Variants in MRPL30 observed in about 807,000 individuals in gnomAD.
The protein encoded by MRPL30 is mitochondrial ribosomal protein L30.
Under a neutral mutation model 17.2 loss-of-function variants are expected in MRPL30, and 10 were observed. The ratio of observed to expected loss-of-function variants is 0.58; its 90% CI spans 0.36 to 0.99. MRPL30 has a LOEUF of 0.99. Among genes scored for constraint, MRPL30 ranks in the 50% least tolerant of loss-of-function variants. MRPL30 has a pLI of 0.01. For missense variants in MRPL30, 170 were observed against 189.8 expected (o/e 0.90, Z 0.61); for synonymous variants, 61 against 62.1 (o/e 0.98, Z 0.08).
In MRPL30 at chr2:99,181,208, C is replaced by G. The variant is rs948339435; in HGVS notation, c.-69C>G. On this transcript the variant is annotated 5_prime_UTR_variant, in exon 1 of 6. Coordinates refer to ENST00000338148, the MANE Select transcript of MRPL30 (RefSeq NM_145212.4). ...GGTAGTTCTTCCTCTGCTCTGCTTC[C>G]CTTCGGAGGAAAATTTCAGGCTGAA... 1 of 530,160 alleles carries G rather than the reference C, an allele frequency of 1.9e-6. No individual in the cohort carries two copies. The allele number at this position is 530,160 out of a possible 1,614,324, so 32.8% of individuals were successfully genotyped here. A position where few individuals can be genotyped will look rare whatever the true frequency, so the allele number is the denominator to read the frequency against.
chr2:99,195,208 G>A lies in MRPL30; in HGVS notation c.353+19G>A, dbSNP rs367779600. ...TGATAAGGTTTGTTGTTTCTTCTCA[G>A]CTCTTTTTAAAATGTATTGCCTAGT... On this transcript the variant is annotated intron_variant, in intron 5 of 5. Transcript: ENST00000338148. 9 of 1,583,570 alleles carry A rather than the reference G, an allele frequency of 5.7e-6. No homozygotes were observed. The highest frequency in any genetic ancestry group is 1.7e-4 in the Middle Eastern group (1 of 5,998).
rs2093930309 is a variant in MRPL30, at chr2:99,184,152, A to G, written c.-27-2025A>G. ...CTTTGTTACTTATTTTGTTGCTGAA[A>G]TTGTTCCAGCTTTGGGTACAGTTGA... On this transcript the variant is annotated intron_variant, in intron 1 of 5. Transcript: ENST00000338148. Among the ~76,000 whole-genome samples the G allele has an allele frequency of 7.9e-5, 12 of 152,278 alleles. No individual in the cohort carries two copies. In the South Asian group the frequency reaches 2.5e-3, roughly 32 times the overall value.
Position 99,199,477 on chromosome 2 carries a change from TTC to T in MRPL30, c.*3774_*3775del, listed in dbSNP as rs1392866270. On this transcript the variant is annotated 3_prime_UTR_variant, in exon 6 of 6. Coordinates refer to ENST00000338148, the MANE Select transcript of MRPL30 (RefSeq NM_145212.4). ...AACTGAAAATGTCTTTGGATATTAT[TTC>T]TGTTTATTTTTTGCCTCAAAATTAT... is the stretch of plus-strand genomic sequence containing the variant. Among the ~76,000 whole-genome samples the T allele has an allele frequency of 2.0e-5, 3 of 152,250 alleles. No individual in the cohort carries two copies. The highest frequency in any genetic ancestry group is 4.4e-5 in the Non-Finnish European group (3 of 68,042).
At chr2:99,186,541 C>T (rs2093934400) in intron 2 of MRPL30, among the ~76,000 whole-genome samples, 1 of 152,060 alleles carries the variant, frequency 6.6e-6, no homozygotes, top group Non-Finnish European at 1.5e-5. Context: ...ACCATATTGG[C>T]CAGGCTGGTC....
At position 99,198,890 on chromosome 2, in the gene MRPL30, G is replaced by A. The variant is rs536358387; in HGVS notation, c.*3185G>A. Among the ~76,000 whole-genome samples the A allele has an allele frequency of 3.3e-5, 5 of 152,162 alleles. No individual in the cohort carries two copies. The South Asian group carries it at 8.3e-4, about 25-fold the overall frequency. On this transcript the variant is annotated 3_prime_UTR_variant, in exon 6 of 6. Coordinates refer to ENST00000338148, the MANE Select transcript of MRPL30 (RefSeq NM_145212.4). ...TTTAAGGACGACTGCAGTTCTCTTA[G>A]GGTCTCCTCAATCTAAAATTGTACC...
intron 1 of MRPL30, among the ~76,000 whole-genome samples, chr2:99,182,427 C>T (rs1402815541): frequency 1.3e-5 from 2 of 152,168 alleles, no homozygotes; most frequent in Non-Finnish European, 2.9e-5. Flanking sequence ...TCCGGGCGGG[C>T]GCCTGTAGTC....
At position 99,197,784 on chromosome 2, in the gene MRPL30, A is replaced by G. The variant is rs1362281881; in HGVS notation, c.*2079A>G. ...GCCTCCTGAGCAGCTAGGACTACAG[A>G]TACATGCCACCGCTCCCGGCTAGTA... On this transcript the variant is annotated 3_prime_UTR_variant, in exon 6 of 6. Coordinates refer to ENST00000338148, the MANE Select transcript of MRPL30 (RefSeq NM_145212.4). Among the ~76,000 whole-genome samples, 1 of 151,872 alleles carries G rather than the reference A, an allele frequency of 6.6e-6. No homozygotes were observed. The highest frequency in any genetic ancestry group is 6.6e-5 in the Admixed American group (1 of 15,184).
intron 2 of MRPL30, among the ~76,000 whole-genome samples, chr2:99,187,561 C>T (rs968315512): frequency 6.6e-6 from 1 of 152,176 alleles, no homozygotes; most frequent in Non-Finnish European, 1.5e-5. Flanking sequence ...CGCGGTGGCT[C>T]ACGCTTGTAA....
At chr2:99,189,626 A>G (rs1465549720) in intron 3 of MRPL30, among the ~76,000 whole-genome samples, 2 of 152,230 alleles carry the variant, frequency 1.3e-5, no homozygotes, top group Non-Finnish European at 2.9e-5. Flanking sequence ...TTGTGTGGAC[A>G]TAAATTTCCA....
In MRPL30 at chr2:99,197,472, G is replaced by A. The variant is rs1164661674; in HGVS notation, c.*1767G>A. 6.6e-6 allele frequency: 1 copy of A among 152,192 alleles called. No homozygotes were observed. Among genetic ancestry groups the A allele is most frequent in the Non-Finnish European group, 1.5e-5 (1 of 68,040 alleles). The allele number at this position is 152,192 out of a possible 1,614,324, so 9.4% of individuals were successfully genotyped here. On this transcript the variant is annotated 3_prime_UTR_variant, in exon 6 of 6. Coordinates refer to ENST00000338148, the MANE Select transcript of MRPL30 (RefSeq NM_145212.4). ...ATTCCATAGTTATTGAATATCCAGTGTGTGTAAGGCCTGGAGGGGAGCCAA... is the reference window on the plus strand; with the variant it reads ...ATTCCATAGTTATTGAATATCCAGTATGTGTAAGGCCTGGAGGGGAGCCAA...
rs745593761 is a variant in MRPL30, at chr2:99,186,258, AGT to A, written c.51+7_51+8del. 2 of 1,613,526 alleles carry A rather than the reference AGT, an allele frequency of 1.2e-6. No homozygotes were observed. The highest frequency in any genetic ancestry group is 1.7e-6 in the Non-Finnish European group (2 of 1,179,630). The stretch of plus-strand genomic sequence containing the variant: ...ATGGCCCCCAGGCAGACTACAGGTA[AGT>A]GTTTCTTTTCAAGAATTTGTCTTTT... On this transcript the variant is annotated splice_donor_5th_base_variant and intron_variant, in intron 2 of 5. Transcript: ENST00000338148.
rs2093955019 is a variant in MRPL30, at chr2:99,196,221, G to C, written c.*516G>C. ...GTTTCACTCCAAAACATGTAAGAAT[G>C]GCAATGTTTGAACATCTGCGTTTGG... On this transcript the variant is annotated 3_prime_UTR_variant, in exon 6 of 6. Transcript: ENST00000338148. 1 of 155,542 alleles carries C rather than the reference G, an allele frequency of 6.4e-6. No individual in the cohort carries two copies. The highest frequency in any genetic ancestry group is 2.4e-5 in the African/African-American group (1 of 41,394). The allele number at this position is 155,542 out of a possible 1,614,324, so 9.6% of individuals were successfully genotyped here.
chr2:99,196,731 G>C lies in MRPL30; in HGVS notation c.*1026G>C, dbSNP rs1447381883. ...TGGTCCCCACCTTTTGGAGCTTACA[G>C]TCTGTTCTGGGGAACAGAGATTCAG... On this transcript the variant is annotated 3_prime_UTR_variant, in exon 6 of 6. Coordinates refer to ENST00000338148, the MANE Select transcript of MRPL30 (RefSeq NM_145212.4). 6.6e-6 allele frequency: 1 copy of C among 152,256 alleles called. No homozygotes were observed. The highest frequency in any genetic ancestry group is 1.5e-5 in the Non-Finnish European group (1 of 68,064). 9.4% of individuals were successfully genotyped at this position (152,256 alleles called of 1,614,324 possible).
At chr2:99,193,859 A>G (rs988465508) in intron 3 of MRPL30, among the ~76,000 whole-genome samples, 37 of 152,192 alleles carry the variant, frequency 2.4e-4, no homozygotes, top group African/African-American at 8.7e-4. Flanking sequence ...CAACATGGTG[A>G]GACCCCCATC....
Position 99,198,579 on chromosome 2 carries a change from G to A in MRPL30, c.*2874G>A, listed in dbSNP as rs1435133817. ...AGGAAGGGAGGAATTACACAGAAGT[G>A]TGACCACAGGAGGCAGGGCTCATGG... is the stretch of plus-strand genomic sequence containing the variant. On this transcript the variant is annotated 3_prime_UTR_variant, in exon 6 of 6. Coordinates refer to ENST00000338148, the MANE Select transcript of MRPL30 (RefSeq NM_145212.4). Among the ~76,000 whole-genome samples the A allele has an allele frequency of 6.6e-6, 1 of 152,172 alleles. No individual in the cohort carries two copies. Among genetic ancestry groups the A allele is most frequent in the Non-Finnish European group, 1.5e-5 (1 of 68,032 alleles).
At chr2:99,195,216 T>A in intron 5 of MRPL30, 27 bp downstream of exon 5, 1 of 1,557,666 alleles carries the variant, frequency 6.4e-7, no homozygotes, top group Non-Finnish European at 8.8e-7. Flanking sequence ...CAGCTCTTTT[T>A]AAAATGTATT....
At chr2:99,184,728 C>T (rs1293474877) in intron 1 of MRPL30, among the ~76,000 whole-genome samples, 1 of 152,178 alleles carries the variant, frequency 6.6e-6, no homozygotes, top group African/African-American at 2.4e-5. Context: ...AAGTACCTAA[C>T]CTTGATACGA....
At chr2:99,191,039 G>A (rs138377459) in intron 3 of MRPL30, among the ~76,000 whole-genome samples, 2 of 148,320 alleles carry the variant, frequency 1.3e-5, no homozygotes, top group African/African-American at 5.0e-5. Context: ...ACGGAGTCTC[G>A]CTCTGTCTCC....
At chr2:99,193,772 T>C (rs1196513248) in intron 3 of MRPL30, among the ~76,000 whole-genome samples, 2 of 152,096 alleles carry the variant, frequency 1.3e-5, no homozygotes, top group Non-Finnish European at 2.9e-5. Flanking sequence ...GGCGTGGTGG[T>C]TCACACCTGT....
Sources: allele counts gnomAD v4.1 joint callset (sites outside exome capture counted in the v4.1 genomes callset), GRCh38; gene constraint gnomAD v4.1.1; transcripts MANE v1.5; gene names NCBI Gene and HGNC (gene_info 2026-07-23, HGNC 2026-07-21).